Variants in STAU2 observed in about 807,000 individuals in gnomAD.
STAU2 encodes the protein staufen double-stranded RNA binding protein 2.
Under a neutral mutation model 65.9 loss-of-function variants are expected in STAU2, and 20 were observed. The observed-to-expected ratio is 0.30, with a 90% CI of 0.21 to 0.44. The LOEUF is 0.44. Ranked by LOEUF, STAU2 falls within the 20% of genes least tolerant of loss-of-function variation. The pLI is 1.00. For synonymous variants in STAU2, 232 were observed against 233.9 expected (o/e 0.99, Z 0.07); for missense variants, 558 against 683.9 (o/e 0.82, Z 2.05).
At chr8:73,698,922 T>TG (rs1819876976) in intron 4 of STAU2, among the ~76,000 whole-genome samples, 2 of 30,234 alleles carry the variant, frequency 6.6e-5, no homozygotes, top group African/African-American at 2.9e-4. Context: ...TCTTAAAACA[T>TG]TAAAAAAAAA....
chr8:73,687,330 AATATAAT>A (rs1478252042), intron 5 of STAU2, among the ~76,000 whole-genome samples: 1 of 105,410 alleles, frequency 9.5e-6, no homozygotes, highest in African/African-American at 3.5e-5. Flanking sequence ...TATATTTATA[AATATAAT>A]TTATATTTAT....
chr8:73,690,727 C>T (rs1002936480), intron 4 of STAU2, among the ~76,000 whole-genome samples: 1 of 152,104 alleles, frequency 6.6e-6, no homozygotes, highest in African/African-American at 2.4e-5. Flanking sequence ...GTGTCTATTA[C>T]ACCACTCTTT....
intron 9 of STAU2, among the ~76,000 whole-genome samples, chr8:73,609,494 A>G (rs1812283845): frequency 6.6e-6 from 1 of 152,052 alleles, no homozygotes; most frequent in Non-Finnish European, 1.5e-5. Context: ...TCTACTAAAA[A>G]TACAAAAAAA....
rs951847692 is a variant in STAU2 at position 73,702,047 on chromosome 8, T to G, written c.114+6985A>C. On this transcript the variant is annotated intron_variant, in intron 4 of 14. Coordinates refer to ENST00000524300, the MANE Select transcript of STAU2 (RefSeq NM_001164380.2). ...ATCAAAACAATTGAATTCACAGAGA[T>G]AGAGAATAGAAGGATGGTTACTAGA... Among the ~76,000 whole-genome samples, 3 of 151,762 alleles carry G rather than the reference T, an allele frequency of 2.0e-5. No homozygotes were observed. The East Asian group carries it at 5.8e-4, about 29-fold the overall frequency.
At chr8:73,564,632 C>T (rs931491902) in intron 12 of STAU2, among the ~76,000 whole-genome samples, 21 of 151,866 alleles carry the variant, frequency 1.4e-4, no homozygotes, top group African/African-American at 4.8e-4. Context: ...ACATAACAAA[C>T]CTGCATGTGT....
chr8:73,655,205 C>G (rs1449679929), intron 6 of STAU2, among the ~76,000 whole-genome samples: 6 of 152,196 alleles, frequency 3.9e-5, no homozygotes, highest in Non-Finnish European at 8.8e-5. Context: ...AGTTTTAATT[C>G]ACATTTTTAA....
chr8:73,552,116 T>C lies in STAU2; in HGVS notation c.1426A>G (p.Thr476Ala), dbSNP rs966975892. ...CCTTTTAAACCTATGGCTTCAGCTG[T>C]AGAAGATGTTCCATTCATAAGGAGT... ...RELLMNGTSS[T>A]AEAIGLKGSS... is the part of the protein sequence containing the mutation. The change falls in exon 13 of 15, where the codon ACA (threonine) becomes GCA (alanine). Residue 476 changes from threonine (T) to alanine (A), a missense_variant. Coordinates refer to ENST00000524300, the MANE Select transcript of STAU2 (RefSeq NM_001164380.2). 4.3e-6 allele frequency: 7 copies of C among 1,613,788 alleles called. No individual in the cohort carries two copies. The highest frequency in any genetic ancestry group is 4.0e-5 in the African/African-American group (3 of 74,926).
chr8:73,653,861 G>C (rs992872297), intron 6 of STAU2: 1 of 436,268 alleles, frequency 2.3e-6, no homozygotes, highest in Non-Finnish European at 4.5e-6. Flanking sequence ...TTTTACCATG[G>C]AACATCTTAT....
intron 3 of STAU2, among the ~76,000 whole-genome samples, chr8:73,728,649 T>C (rs1014934792): frequency 6.6e-6 from 1 of 152,186 alleles, no homozygotes; most frequent in Non-Finnish European, 1.5e-5. Flanking sequence ...GCACAAGTCT[T>C]TCATAAGCAA....
chr8:73,674,399 T>C (rs537230052), intron 5 of STAU2, among the ~76,000 whole-genome samples: 3 of 151,854 alleles, frequency 2.0e-5, no homozygotes, highest in Admixed American at 6.6e-5. Context: ...AAATCTTAAA[T>C]TGTTTTCAGT....
intron 12 of STAU2, chr8:73,561,667 A>G (rs1808244187): frequency 2.1e-5 from 8 of 384,662 alleles, no homozygotes; most frequent in South Asian, 1.6e-4. Context: ...ACTGCACCAC[A>G]ATACTCCTCT....
chr8:73,668,752 C>A (rs545178737), intron 6 of STAU2, among the ~76,000 whole-genome samples: 2 of 152,166 alleles, frequency 1.3e-5, no homozygotes, highest in South Asian at 4.1e-4. Context: ...ACAGGTACTT[C>A]AGAATCCAAG....
intron 12 of STAU2, among the ~76,000 whole-genome samples, chr8:73,564,633 C>T (rs1398618366): frequency 2.0e-5 from 3 of 151,962 alleles, no homozygotes; most frequent in Non-Finnish European, 4.4e-5. Flanking sequence ...CATAACAAAC[C>T]TGCATGTGTA....
chr8:73,570,737 C>T (rs1293223060), intron 12 of STAU2, among the ~76,000 whole-genome samples: 1 of 152,198 alleles, frequency 6.6e-6, no homozygotes, highest in Non-Finnish European at 1.5e-5. Context: ...GCCCATCAGA[C>T]TAACAGCGGA....
intron 13 of STAU2, among the ~76,000 whole-genome samples, chr8:73,444,576 T>C: frequency 6.6e-6 from 1 of 152,182 alleles, no homozygotes; most frequent in Middle Eastern, 3.2e-3. Context: ...AATGGTACCA[T>C]GACATTGTAC....
chr8:73,461,800 G>A (rs1819365473), intron 13 of STAU2, among the ~76,000 whole-genome samples: 1 of 152,122 alleles, frequency 6.6e-6, no homozygotes, highest in Non-Finnish European at 1.5e-5. Flanking sequence ...AGAGCCTGCA[G>A]GGATGGAACT....
chr8:73,731,864 G>C (rs1198721391), intron 3 of STAU2, among the ~76,000 whole-genome samples: 2 of 152,110 alleles, frequency 1.3e-5, no homozygotes, highest in Non-Finnish European at 2.9e-5. Flanking sequence ...ACCTGAACCT[G>C]GGAGACAGAG....
At chr8:73,443,017 C>A (rs927623229) in intron 13 of STAU2, among the ~76,000 whole-genome samples, 2 of 152,282 alleles carry the variant, frequency 1.3e-5, no homozygotes, top group Admixed American at 6.5e-5. Flanking sequence ...CATTCCAATA[C>A]GCAACTTCAA....
chr8:73,569,363 G>C (rs1030758416), intron 12 of STAU2, among the ~76,000 whole-genome samples: 4 of 152,124 alleles, frequency 2.6e-5, no homozygotes, highest in African/African-American at 9.7e-5. Flanking sequence ...GCCCGCCTCT[G>C]TAGACTCCAC....
Sources: gnomAD v4.1 joint callset for allele counts (sites outside exome capture counted in the v4.1 genomes callset) on GRCh38, gnomAD v4.1.1 for gene constraint, MANE v1.5 for transcripts, NCBI Gene and HGNC (gene_info 2026-07-23, HGNC 2026-07-21) for gene names.